Variants in ARHGAP11A observed in about 807,000 individuals in gnomAD.
The protein encoded by ARHGAP11A is rho GTPase-activating protein 11A.
Under a neutral mutation model 60.5 loss-of-function variants are expected in ARHGAP11A, and 36 were observed. The observed-to-expected ratio is 0.59, with a 90% confidence interval of 0.46 to 0.79. The LOEUF is 0.79. Ranked by LOEUF, ARHGAP11A falls within the 30% of genes least tolerant of loss-of-function variation. ARHGAP11A has a pLI of 0.00. For missense variants in ARHGAP11A, 1,071 were observed against 1,199.2 expected (o/e 0.89, Z 1.58); for synonymous variants, 362 against 415.5 (o/e 0.87, Z 1.57).
At chr15:32,617,864 C>G (rs1377618524) in intron 1 of ARHGAP11A, among the ~76,000 whole-genome samples, 2 of 152,138 alleles carry the variant, frequency 1.3e-5, no homozygotes, top group African/African-American at 2.4e-5. Flanking sequence ...CATCTGTAAA[C>G]TTGGGCTGCT....
At chr15:32,629,801 A>T (rs1296771826) in intron 8 of ARHGAP11A, 39 bp downstream of exon 8, 1 of 1,476,248 alleles carries the variant, frequency 6.8e-7, no homozygotes, top group African/African-American at 1.4e-5. Flanking sequence ...TGTAAAGATT[A>T]AAATGAGTGC....
At position 32,638,031 on chromosome 15, in the gene ARHGAP11A, G is replaced by T; in HGVS notation, c.*186G>T. 3.5e-6 allele frequency: 2 copies of T among 570,374 alleles called. No individual in the cohort carries two copies. The highest frequency in any genetic ancestry group is 3.6e-5 in the Admixed American group (1 of 27,488). The allele number at this position is 570,374 out of a possible 1,614,324, so 35.3% of individuals were successfully genotyped here. A position where few individuals can be genotyped will look rare whatever the true frequency, so the allele number is the denominator to read the frequency against. On this transcript the variant is annotated 3_prime_UTR_variant, in exon 12 of 12. Transcript: ENST00000361627. ...TTTTATTTGTACAAATTACTTCTTT[G>T]TTTTTCTTAATGATGGCAATTTTTA...
chr15:32,617,300 A>G (rs1324426183), intron 1 of ARHGAP11A, among the ~76,000 whole-genome samples: 1 of 151,878 alleles, frequency 6.6e-6, no homozygotes, highest in Non-Finnish European at 1.5e-5. Flanking sequence ...TGGAGAAGTT[A>G]TTTTTGTTGG....
rs765424245 is a variant in ARHGAP11A at position 32,638,630 on chromosome 15, A to G, written c.*785A>G. ...TAATTTCCTTCAATAGCATCCTAAA[A>G]CTCTATTTTTATTTGGGGCAGAGTA... is the stretch of plus-strand genomic sequence containing the variant. On this transcript the variant is annotated 3_prime_UTR_variant, in exon 12 of 12. Transcript: ENST00000361627. The G allele has an allele frequency of 1.3e-5, 2 of 152,596 alleles. No homozygotes were observed. Among genetic ancestry groups the G allele is most frequent in the African/African-American group, 2.4e-5 (1 of 41,520 alleles). 9.5% of individuals were successfully genotyped at this position (152,596 alleles called of 1,614,324 possible).
intron 3 of ARHGAP11A, 120 bp from the exon 4 acceptor site, chr15:32,624,053 A>AAAAAAATAAAGTAGTGACATT: frequency 2.3e-6 from 2 of 867,730 alleles, no homozygotes; most frequent in South Asian, 3.7e-5. Context: ...GACATATATT[A>AAAAAAATAAAGTAGTGACATT]AAATAAGAGT....
intron 9 of ARHGAP11A, 67 bp from the exon 10 acceptor site, chr15:32,633,866 T>C (rs1256483522): frequency 1.1e-6 from 1 of 944,030 alleles, no homozygotes; most frequent in African/African-American, 1.7e-5. Flanking sequence ...TATTTCAAAT[T>C]TCGTATTTCA....
In ARHGAP11A at chr15:32,629,325, C is replaced by A. The variant is rs528849171; in HGVS notation, c.938-270C>A. 1.0e-4 allele frequency among the ~76,000 whole-genome samples: 15 copies of A among 146,938 alleles called. No homozygotes were observed. The East Asian group carries it at 3.0e-3, about 29-fold the overall frequency. On this transcript the variant is annotated intron_variant, in intron 7 of 11. Coordinates refer to ENST00000361627, the MANE Select transcript of ARHGAP11A (RefSeq NM_014783.6). ...GTAATTTCTTCCTTACATTAATATT[C>A]TTTAATGTATATCATATGCATCTTT...
Position 32,635,897 on chromosome 15 carries a change from G to A in ARHGAP11A, c.1465G>A (p.Glu489Lys), listed in dbSNP as rs747525842. 1.9e-6 allele frequency: 3 copies of A among 1,608,726 alleles called. No homozygotes were observed. In the African/African-American group the frequency reaches 4.0e-5, roughly 21 times the overall value. ...TTTGCTTTTTAGCCCAGATGTTGAT[G>A]AAAAGTTACCAAAGAAAGGTACATT... is the stretch of plus-strand genomic sequence containing the variant. Reference protein sequence around the residue: ...TGLLFSPDVDEKLPKKGSEKI... With the variant: ...TGLLFSPDVDKKLPKKGSEKI... The change falls in exon 11 of 12, where the codon GAA becomes AAA. Residue 489 changes from glutamate (E) to lysine (K), a missense_variant. Glu to Lys is a moderately conservative substitution (Grantham distance 56). Transcript: ENST00000361627.
intron 9 of ARHGAP11A, 35 bp from the exon 10 acceptor site, chr15:32,633,898 C>T: frequency 7.2e-7 from 1 of 1,381,410 alleles, no homozygotes; most frequent in African/African-American, 1.5e-5. Flanking sequence ...GGTGTTTATA[C>T]TATAAACTGA....
At chr15:32,632,195 T>C (rs1053477674) in intron 8 of ARHGAP11A, among the ~76,000 whole-genome samples, 3 of 152,240 alleles carry the variant, frequency 2.0e-5, no homozygotes, top group Admixed American at 6.5e-5. Context: ...AGAGGGTTCA[T>C]GTTTGTTGAA....
In ARHGAP11A at chr15:32,636,347, ATAAT is replaced by A. The variant is rs1239984318; in HGVS notation, c.1576_1579del (p.Asn526GlnfsTer6). 1 of 1,614,090 alleles carries A rather than the reference ATAAT, an allele frequency of 6.2e-7. No homozygotes were observed. Among genetic ancestry groups the A allele is most frequent in the Admixed American group, 1.7e-5 (1 of 60,006 alleles). On this transcript the variant is annotated frameshift_variant, in exon 12 of 12. Transcript: ENST00000361627. LOFTEE classifies it low-confidence loss of function (END_TRUNC). ...TACCGGATGTCTTGGACAGGACCTAATAATTCAAGTTTTCAAGAAGTAGATGCAA... is the reference window on the plus strand; with the variant it reads ...TACCGGATGTCTTGGACAGGACCTAATCAAGTTTTCAAGAAGTAGATGCAA...
In ARHGAP11A at chr15:32,618,769, C is replaced by G. The variant is rs866161196; in HGVS notation, c.130-1339C>G. ...GCTAACACGGTGAAACCCCCCCCCC[C>G]CCGCCCCACGTCTCTACTAAAAATA... On this transcript the variant is annotated intron_variant, in intron 1 of 11. Coordinates refer to ENST00000361627, the MANE Select transcript of ARHGAP11A (RefSeq NM_014783.6). 2.2e-3 allele frequency among the ~76,000 whole-genome samples: 228 copies of G among 104,082 alleles called. 5 individuals carry two copies. Among genetic ancestry groups the G allele is most frequent in the African/African-American group, 8.4e-3 (220 of 26,282 alleles). The allele number at this position is 104,082 out of a possible 152,430, so 68.3% of individuals were successfully genotyped here. A position where few individuals can be genotyped will look rare whatever the true frequency, so the allele number is the denominator to read the frequency against.
At chr15:32,620,277 G>A in intron 2 of ARHGAP11A, 99 bp downstream of exon 2, 1 of 1,602,644 alleles carries the variant, frequency 6.2e-7, no homozygotes, top group East Asian at 2.2e-5. Flanking sequence ...TTGAGTCCAG[G>A]AGCTTAAGAC....
At position 32,633,105 on chromosome 15, in the gene ARHGAP11A, G is replaced by C; in HGVS notation, c.1232G>C (p.Cys411Ser). Reference sequence around the variant, plus strand: ...AAAAGAATTGCAGGCAAAAAAGTTTGCAGGTACTTTATCCAGGACATTTTG... The same window carrying C: ...AAAAGAATTGCAGGCAAAAAAGTTTCCAGGTACTTTATCCAGGACATTTTG... ...RSKRIAGKKV[C>S]RVESGKAGCF... Residue 411 changes from cysteine to serine, a missense_variant, in exon 9 of 12, where the codon TGC (cysteine) becomes TCC (serine). Transcript: ENST00000361627. The C allele has an allele frequency of 6.2e-7, 1 of 1,613,894 alleles. No homozygotes were observed. The highest frequency in any genetic ancestry group is 8.5e-7 in the Non-Finnish European group (1 of 1,179,914).
At position 32,636,865 on chromosome 15, in the gene ARHGAP11A, G is replaced by C. The variant is rs1197044382; in HGVS notation, c.2092G>C (p.Glu698Gln). Residue 698 changes from glutamate (E) to glutamine (Q), a missense_variant, in exon 12 of 12, where the codon GAA becomes CAA. By Grantham distance (29) the Glu-to-Gln change is conservative. Around this residue, in one of 4 missense-constraint regions of ARHGAP11A, gnomAD observed 776 missense variants for 760.2 expected, o/e 1.02. Coordinates refer to ENST00000361627, the MANE Select transcript of ARHGAP11A (RefSeq NM_014783.6). Reference protein sequence around the residue: ...IKCYSTQMKMEHEKDIHSNMP... With the variant: ...IKCYSTQMKMQHEKDIHSNMP... ...ATGTTATTCAACTCAGATGAAGATGGAACATGAAAAAGACATTCATTCAAA... is the reference window on the plus strand; with the variant it reads ...ATGTTATTCAACTCAGATGAAGATGCAACATGAAAAAGACATTCATTCAAA... 1.9e-6 allele frequency: 3 copies of C among 1,612,426 alleles called. No individual in the cohort carries two copies. The South Asian group carries it at 3.3e-5, about 18-fold the overall frequency.
Position 32,633,965 on chromosome 15 carries a change from C to T in ARHGAP11A, c.1268C>T (p.Pro423Leu). The T allele has an allele frequency of 1.2e-6, 2 of 1,604,422 alleles. No individual in the cohort carries two copies. The highest frequency in any genetic ancestry group is 1.7e-6 in the Non-Finnish European group (2 of 1,177,286). The change falls in exon 10 of 12, where the codon CCT becomes CTT. Residue 423 changes from proline (P) to leucine (L), a missense_variant. By Grantham distance (98) the Pro-to-Leu change is moderately conservative. Around this residue, in one of 4 missense-constraint regions of ARHGAP11A, gnomAD observed 776 missense variants for 760.2 expected, o/e 1.02. Transcript: ENST00000361627. ...TCAGGAAAAGCAGGCTGCTTTTCTC[C>T]TAAAATCAGCCATAAAGAAAAGGTT... ...VESGKAGCFS[P>L]KISHKEKVRR... is the part of the protein sequence containing the mutation.
In ARHGAP11A at chr15:32,635,894, G is replaced by A; in HGVS notation, c.1462G>A (p.Asp488Asn). 1 of 1,608,822 alleles carries A rather than the reference G, an allele frequency of 6.2e-7. No homozygotes were observed. The highest frequency in any genetic ancestry group is 1.1e-5 in the South Asian group (1 of 89,632). Residue 488 changes from aspartate to asparagine, a missense_variant, in exon 11 of 12, where the codon GAT becomes AAT. Physicochemically the swap from Asp to Asn is conservative, Grantham distance 23. Coordinates refer to ENST00000361627, the MANE Select transcript of ARHGAP11A (RefSeq NM_014783.6). Reference sequence around the variant, plus strand: ...AGGTTTGCTTTTTAGCCCAGATGTTGATGAAAAGTTACCAAAGAAAGGTAC... The same window carrying A: ...AGGTTTGCTTTTTAGCCCAGATGTTAATGAAAAGTTACCAAAGAAAGGTAC... ...KTGLLFSPDV[D>N]EKLPKKGSEK...
intron 6 of ARHGAP11A, among the ~76,000 whole-genome samples, chr15:32,627,581 T>C (rs2053493577): frequency 6.6e-6 from 1 of 151,800 alleles, no homozygotes; most frequent in Non-Finnish European, 1.5e-5. Context: ...TATAAAAAAT[T>C]AGCTGGGCGT....
At chr15:32,626,626 T>G (rs1006183191) in intron 6 of ARHGAP11A, among the ~76,000 whole-genome samples, 5 of 152,262 alleles carry the variant, frequency 3.3e-5, no homozygotes, top group African/African-American at 1.2e-4. Context: ...AGCAAAGTAC[T>G]ACAAACTAGG....
Sources: allele counts gnomAD v4.1 joint callset (sites outside exome capture counted in the v4.1 genomes callset), GRCh38; gene constraint gnomAD v4.1.1; regional missense constraint gnomAD v4.1.1; transcripts MANE v1.5; gene names NCBI Gene and HGNC (gene_info 2026-07-23, HGNC 2026-07-21).